ZNF782: variants seen among roughly 807,000 people sequenced by gnomAD.
ZNF782 encodes zinc finger protein 782.
In ZNF782, 12 loss-of-function variants were observed where a neutral mutation model predicts 13.0. That is an observed-to-expected ratio of 0.92 (90% CI 0.59 to 1.50). The LOEUF is 1.50. Ranked by LOEUF, ZNF782 falls within the 40% of genes most tolerant of loss-of-function variation. ZNF782 has a pLI of 0.00. For missense variants in ZNF782, 770 were observed against 822.9 expected, an observed-to-expected ratio of 0.94 and a Z score of 0.79; for synonymous variants, 284 against 283.0, an observed-to-expected ratio of 1.00 and a Z score of -0.04.
chr9:96,864,465 A>G (rs73654611), intron 1 of ZNF782, among the ~76,000 whole-genome samples: 13,339 of 152,150 alleles, frequency 0.088, 1,502 homozygotes, highest in African/African-American at 0.26. Context: ...TATATGAATA[A>G]GAAATTAATG....
At chr9:96,853,163 G>A (rs1332430444) in intron 1 of ZNF782, 94 bp from the exon 2 acceptor site, 2 of 152,474 alleles carry the variant, frequency 1.3e-5, no homozygotes, top group Non-Finnish European at 2.9e-5. Context: ...ATGCAATGAT[G>A]TGGCCTTTCC....
the ZNF782 span, among the ~76,000 whole-genome samples, chr9:96,884,655 A>T: frequency 2.6e-5 from 4 of 152,136 alleles, no homozygotes; most frequent in Non-Finnish European, 5.9e-5. Flanking sequence ...TCCCACTTTG[A>T]CCAGGAAGAT....
chr9:96,862,115 C>A (rs1315147471), intron 1 of ZNF782, among the ~76,000 whole-genome samples: 1 of 152,108 alleles, frequency 6.6e-6, no homozygotes, highest in African/African-American at 2.4e-5. Context: ...TTTGCAGCAA[C>A]ATGGATGGAA....
the ZNF782 span, among the ~76,000 whole-genome samples, chr9:96,882,150 T>A: frequency 6.6e-6 from 1 of 152,032 alleles, no homozygotes; most frequent in East Asian, 1.9e-4. Context: ...CTAAAGAATG[T>A]GTTCACCAAA....
At chr9:96,867,529 G>T (rs1851772564) in intron 1 of ZNF782, among the ~76,000 whole-genome samples, 1 of 152,186 alleles carries the variant, frequency 6.6e-6, no homozygotes, top group South Asian at 2.1e-4. Flanking sequence ...AATACACTGT[G>T]CAAGTCCAAC....
chr9:96,840,591 G>A (rs1851156507), intron 4 of ZNF782, among the ~76,000 whole-genome samples: 3 of 152,038 alleles, frequency 2.0e-5, no homozygotes, highest in East Asian at 3.9e-4. Flanking sequence ...CTGCACTGGT[G>A]TCTATCAAAA....
chr9:96,858,776 G>A (rs778003954), upstream of ZNF782, among the ~76,000 whole-genome samples: 1 of 152,202 alleles, frequency 6.6e-6, no homozygotes, highest in Non-Finnish European at 1.5e-5. The surrounding 1 kb of genome is among the most constrained non-coding windows in gnomAD (Gnocchi z 4.4). Flanking sequence ...CACAGAAGTG[G>A]AGCCTGATGG....
the ZNF782 span, chr9:96,931,868 G>A: frequency 6.2e-7 from 1 of 1,612,412 alleles, no homozygotes. Context: ...CGGCCCTCTG[G>A]TGCTCTCTGC....
chr9:96,877,632 G>C (rs909008276), upstream of ZNF782, among the ~76,000 whole-genome samples: 4 of 152,240 alleles, frequency 2.6e-5, no homozygotes, highest in African/African-American at 9.6e-5. Context: ...GTGGGCTGGG[G>C]TTCGGGCGGG....
At chr9:96,912,442 C>T in the ZNF782 span, among the ~76,000 whole-genome samples, 1 of 149,614 alleles carries the variant, frequency 6.7e-6, no homozygotes, top group Non-Finnish European at 1.5e-5. Flanking sequence ...TGCAGTGAGC[C>T]GAGATCGTGC....
chr9:96,841,885 A>T (rs1851199855), intron 4 of ZNF782, among the ~76,000 whole-genome samples: 1 of 151,980 alleles, frequency 6.6e-6, no homozygotes, highest in Non-Finnish European at 1.5e-5. Flanking sequence ...GGAAATAAAA[A>T]GCATACAGAT....
chr9:96,831,018 CA>C (rs1850781260), intron 4 of ZNF782, among the ~76,000 whole-genome samples: 1 of 151,964 alleles, frequency 6.6e-6, no homozygotes, highest in African/African-American at 2.4e-5. Context: ...GAACAACAGA[CA>C]GAAAACAGAC....
At chr9:96,853,604 A>G (rs1035678060) in intron 1 of ZNF782, among the ~76,000 whole-genome samples, 2 of 152,210 alleles carry the variant, frequency 1.3e-5, no homozygotes, top group Admixed American at 6.5e-5. Flanking sequence ...GACCCAAGAG[A>G]TCTGAAGACA....
At chr9:96,917,137 C>T in the ZNF782 span, among the ~76,000 whole-genome samples, 699 of 99,328 alleles carry the variant, frequency 7.0e-3, 14 homozygotes, top group East Asian at 0.085. Flanking sequence ...GAGGAAGCAA[C>T]GCGGTAAATC....
chr9:96,868,130 A>G (rs1230391797), intron 1 of ZNF782, among the ~76,000 whole-genome samples: 1 of 152,266 alleles, frequency 6.6e-6, no homozygotes, highest in African/African-American at 2.4e-5. Flanking sequence ...CAAAATATTC[A>G]TAAGTAGTAT....
At chr9:96,839,039 T>C (rs974013519) in intron 4 of ZNF782, among the ~76,000 whole-genome samples, 13 of 152,056 alleles carry the variant, frequency 8.5e-5, no homozygotes, top group African/African-American at 1.9e-4. Flanking sequence ...TTACTGTCAG[T>C]TGGTAGGAAG....
the ZNF782 span, among the ~76,000 whole-genome samples, chr9:96,884,068 C>A: frequency 1.3e-5 from 2 of 152,348 alleles, no homozygotes; most frequent in East Asian, 3.9e-4. Flanking sequence ...CTACCCTCTA[C>A]CCTGTGGAAG....
chr9:96,866,247 G>T (rs1442650272), intron 1 of ZNF782, among the ~76,000 whole-genome samples: 2 of 152,124 alleles, frequency 1.3e-5, no homozygotes, highest in Non-Finnish European at 2.9e-5. Context: ...TTGTTTTGTG[G>T]GCTGTGCCCG....
chr9:96,895,772 T>G, the ZNF782 span: 6 of 151,308 alleles, frequency 4.0e-5, no homozygotes, highest in African/African-American at 9.8e-5. Context: ...CAGTGGGTCG[T>G]CTTGTTATCT....
Sources: gnomAD v4.1 joint callset for allele counts (sites outside exome capture counted in the v4.1 genomes callset) on GRCh38, gnomAD v4.1.1 for gene constraint, Gnocchi (gnomAD v3.1) non-coding constraint, MANE v1.5 for transcripts, NCBI Gene and HGNC (gene_info 2026-07-23, HGNC 2026-07-21) for gene names.